Variants in STAT5B observed in about 807,000 individuals in gnomAD.
The protein encoded by STAT5B is signal transducer and activator of transcription 5B, also known as transcription factor STAT5B.
STAT5B carries 21 observed loss-of-function variants against 107.8 expected under a neutral mutation model. The ratio of observed to expected loss-of-function variants is 0.19; its 90% confidence interval spans 0.14 to 0.28. The LOEUF is 0.28. Ranked by LOEUF, STAT5B falls within the 10% of genes least tolerant of loss-of-function variation. The probability of loss-of-function intolerance (pLI) is 1.00; values close to 1 mark genes in which losing one functional copy is unlikely to be tolerated. For synonymous variants in STAT5B, 325 were observed against 401.7 expected (o/e 0.81, Z 2.28); for missense variants, 565 against 1,008.2 (o/e 0.56, Z 5.95).
intron 1 of STAT5B, among the ~76,000 whole-genome samples, chr17:42,253,748 T>C (rs1332428050): frequency 6.6e-6 from 1 of 152,088 alleles, no homozygotes; most frequent in East Asian, 1.9e-4. Context: ...TGAACACAAC[T>C]CATTGCAGCC....
intron 11 of STAT5B, among the ~76,000 whole-genome samples, chr17:42,216,748 T>C (rs1014742351): frequency 6.6e-6 from 1 of 151,820 alleles, no homozygotes; most frequent in African/African-American, 2.4e-5. Flanking sequence ...TGGAGTGCAG[T>C]GGCACAATCT....
At chr17:42,207,487 G>A (rs2080093982) in intron 16 of STAT5B, 71 bp downstream of exon 16, 2 of 1,197,508 alleles carry the variant, frequency 1.7e-6, no homozygotes, top group Non-Finnish European at 1.2e-6. Context: ...ACGCAGGTAT[G>A]CACACACACA....
the STAT5B span, among the ~76,000 whole-genome samples, chr17:42,282,477 C>G: frequency 6.6e-6 from 1 of 152,196 alleles, no homozygotes; most frequent in East Asian, 1.9e-4. Context: ...GCATCTGCCA[C>G]CACACCTGGC....
rs1407585914 is a variant in STAT5B at position 42,207,601 on chromosome 17, T to A, written c.2034A>T (p.Val678=). The change falls in exon 16 of 19, where the codon GTA becomes GTT. Residue 678 remains valine, a synonymous_variant. Transcript: ENST00000293328. ...GAACTGGTGTGTAGTATTTGGAGTA[T>A]ACTTCATCTTTTGGCCGATCAGGAA... The part of the protein sequence containing the change: ...YVFPDRPKDE[V]YSKYYTPVPC... 1 of 1,614,042 alleles carries A rather than the reference T, an allele frequency of 6.2e-7. No individual in the cohort carries two copies. Among genetic ancestry groups the A allele is most frequent in the Admixed American group, 1.7e-5 (1 of 59,992 alleles).
upstream of STAT5B, among the ~76,000 whole-genome samples, chr17:42,277,617 G>T (rs945919267): frequency 1.3e-5 from 2 of 152,196 alleles, no homozygotes; most frequent in South Asian, 4.1e-4. Context: ...GGAGGCCAGA[G>T]AAGGAAGCAG....
In STAT5B at chr17:42,212,061, G is replaced by C; in HGVS notation, c.1603C>G (p.Gln535Glu). Residue 535 changes from glutamine to glutamate, a missense_variant, in exon 13 of 19, where the codon CAG becomes GAG. Around this residue, in one of 11 missense-constraint regions of STAT5B, gnomAD observed 127 missense variants for 215.8 expected, o/e 0.59. Transcript: ENST00000293328. ...CTGCTGCTGTTGTTGAACAGTTTCT[G>C]CGCCAGGAACACGAGGTTCTCCTTG... is the stretch of plus-strand genomic sequence containing the variant. The part of the protein sequence containing the change: ...LTKENLVFLA[Q>E]KLFNNSSSHL... 6.2e-7 allele frequency: 1 copy of C among 1,614,094 alleles called. No individual in the cohort carries two copies. The highest frequency in any genetic ancestry group is 8.5e-7 in the Non-Finnish European group (1 of 1,179,990).
intron 1 of STAT5B, among the ~76,000 whole-genome samples, chr17:42,262,964 GTGTGTGTATATATATA>G (rs1355365427): frequency 1.0e-4 from 4 of 39,370 alleles, no homozygotes; most frequent in African/African-American, 3.4e-4. Flanking sequence ...GTGTGTGTGT[GTGTGTGTATATATATA>G]TATATATATA....
At chr17:42,270,502 A>G (rs1176313196) in intron 1 of STAT5B, 4 of 152,226 alleles carry the variant, frequency 2.6e-5, no homozygotes, top group Non-Finnish European at 5.9e-5. Context: ...AAGAAGAATG[A>G]AAGACAACTT....
chr17:42,205,351 TA>T (rs56661872), intron 16 of STAT5B, among the ~76,000 whole-genome samples: 77 of 144,946 alleles, frequency 5.3e-4, no homozygotes, highest in Middle Eastern at 3.6e-3. Flanking sequence ...TATTTCCAAG[TA>T]AAAAAAAAAA....
intron 1 of STAT5B, among the ~76,000 whole-genome samples, chr17:42,246,129 G>A (rs1416766228): frequency 2.0e-5 from 3 of 152,162 alleles, no homozygotes; most frequent in Non-Finnish European, 4.4e-5. Context: ...ATTAAATTGT[G>A]TTTAAAATGT....
intron 1 of STAT5B, chr17:42,233,802 T>G (rs2080336646): frequency 6.6e-6 from 1 of 152,200 alleles, no homozygotes; most frequent in Admixed American, 6.5e-5. Context: ...TAGTTTCTTT[T>G]TTTAACATGC....
At chr17:42,202,278 G>A in intron 18 of STAT5B, 62 bp downstream of exon 18, 1 of 1,597,852 alleles carries the variant, frequency 6.3e-7, no homozygotes. Flanking sequence ...CCCTCCAGGG[G>A]TCCAGCCTGG....
intron 16 of STAT5B, among the ~76,000 whole-genome samples, chr17:42,203,593 T>A (rs2080063031): frequency 6.6e-6 from 1 of 152,092 alleles, no homozygotes; most frequent in Admixed American, 6.6e-5. Context: ...AAATGATTTA[T>A]CTTAGGAAGG....
intron 1 of STAT5B, among the ~76,000 whole-genome samples, chr17:42,239,319 G>C (rs2080383484): frequency 6.6e-6 from 1 of 150,972 alleles, no homozygotes. Flanking sequence ...TGAACAGAGA[G>C]GACTAAGCCA....
chr17:42,239,527 A>G (rs1256727627), intron 1 of STAT5B, among the ~76,000 whole-genome samples: 2 of 152,200 alleles, frequency 1.3e-5, no homozygotes, highest in African/African-American at 4.8e-5. Context: ...AACATTTATC[A>G]GTGTTATTAT....
intron 1 of STAT5B, chr17:42,271,073 T>C (rs370525386): frequency 1.3e-5 from 2 of 152,396 alleles, no homozygotes; most frequent in South Asian, 2.1e-4. Flanking sequence ...GGCATCATAA[T>C]GATTAGATAC....
intron 1 of STAT5B, among the ~76,000 whole-genome samples, chr17:42,249,824 C>G (rs1387335612): frequency 6.6e-6 from 1 of 151,978 alleles, no homozygotes; most frequent in South Asian, 2.1e-4. Flanking sequence ...CTATGCCTGG[C>G]TCATTTTTTG....
At chr17:42,212,525 G>A (rs1006068325) in intron 12 of STAT5B, among the ~76,000 whole-genome samples, 3 of 152,350 alleles carry the variant, frequency 2.0e-5, no homozygotes, top group Admixed American at 1.3e-4. Context: ...TGGGAATTTA[G>A]AAATCTGAAA....
intron 1 of STAT5B, chr17:42,235,592 C>T (rs1376890238): frequency 3.5e-4 from 53 of 152,134 alleles, no homozygotes; most frequent in Admixed American, 3.5e-3. Flanking sequence ...ATTCTCCTGC[C>T]TCAGCCTCCC....
Sources: gnomAD v4.1 joint callset for allele counts (sites outside exome capture counted in the v4.1 genomes callset) on GRCh38, gnomAD v4.1.1 for gene constraint, gnomAD v4.1.1 regional missense constraint, MANE v1.5 for transcripts, NCBI Gene and HGNC (gene_info 2026-07-23, HGNC 2026-07-21) for gene names.